The following HMCN1 variants were observed in gnomAD, a reference collection of about 807,000 sequenced individuals.
HMCN1 encodes hemicentin 1.
Under a neutral mutation model 625.9 loss-of-function variants are expected in HMCN1, and 321 were observed. The observed-to-expected ratio is 0.51, with a 90% CI of 0.47 to 0.56. HMCN1 has a LOEUF of 0.56. Ranked by LOEUF, HMCN1 falls within the 20% of genes least tolerant of loss-of-function variation. The pLI, the probability that HMCN1 is intolerant of heterozygous loss-of-function variation, is 0.00. For synonymous variants in HMCN1, 2,425 were observed against 2,417.6 expected (o/e 1.00, Z -0.09); for missense variants, 6,588 against 6,887.3 (o/e 0.96, Z 1.54).
At chr1:185,796,626 C>CTCTG (rs1553241452) in intron 1 of HMCN1, among the ~76,000 whole-genome samples, 4 of 148,688 alleles carry the variant, frequency 2.7e-5, no homozygotes, top group African/African-American at 9.8e-5. Context: ...GAGTTTGTGT[C>CTCTG]TGTGTGTGTG....
In HMCN1 at chr1:186,151,644, A is replaced by T; in HGVS notation, c.14797A>T (p.Ile4933Phe). 1 of 1,613,040 alleles carries T rather than the reference A, an allele frequency of 6.2e-7. No homozygotes were observed. The highest frequency in any genetic ancestry group is 8.5e-7 in the Non-Finnish European group (1 of 1,179,126). The change falls in exon 95 of 107, where the codon ATT (isoleucine) becomes TTT (phenylalanine). Residue 4933 changes from isoleucine (I) to phenylalanine (F), a missense_variant. Around this residue, in one of 3 missense-constraint regions of HMCN1, gnomAD observed 1,954 missense variants for 2,013.1 expected, o/e 0.97. Coordinates refer to ENST00000271588, the MANE Select transcript of HMCN1 (RefSeq NM_031935.3). ...MRKIVSILNPIYWTTAKEIGE... is the reference protein window; with the variant it reads ...MRKIVSILNPFYWTTAKEIGE... ...AAAGATAGTTTCTATTCTAAATCCCATTTATTGGACAACAGCAAAGGAAAT... is the reference window on the plus strand; with the variant it reads ...AAAGATAGTTTCTATTCTAAATCCCTTTTATTGGACAACAGCAAAGGAAAT...
intron 4 of HMCN1, among the ~76,000 whole-genome samples, chr1:185,888,330 A>T (rs1267475206): frequency 7.1e-6 from 1 of 140,704 alleles, no homozygotes; most frequent in Non-Finnish European, 1.5e-5. Context: ...CCATTTGTCA[A>T]TTTTGTCTTT....
At chr1:186,120,356 G>A (rs887652782) in intron 80 of HMCN1, among the ~76,000 whole-genome samples, 1 of 152,080 alleles carries the variant, frequency 6.6e-6, no homozygotes, top group Non-Finnish European at 1.5e-5. Flanking sequence ...GAAAACACAG[G>A]CATCTAATCC....
At chr1:185,916,843 C>A (rs1439292376) in intron 6 of HMCN1, among the ~76,000 whole-genome samples, 1 of 152,056 alleles carries the variant, frequency 6.6e-6, no homozygotes, top group African/African-American at 2.4e-5. Flanking sequence ...ACTCAGGAAC[C>A]CAAGCTGATG....
intron 1 of HMCN1, among the ~76,000 whole-genome samples, chr1:185,819,189 A>G (rs752370049): frequency 9.9e-5 from 15 of 151,310 alleles, no homozygotes; most frequent in Non-Finnish European, 1.6e-4. Context: ...GTGAGCGGAG[A>G]TCGCACCACT....
At chr1:185,965,524 G>T (rs542521803) in intron 13 of HMCN1, among the ~76,000 whole-genome samples, 2 of 151,938 alleles carry the variant, frequency 1.3e-5, no homozygotes, top group Non-Finnish European at 2.9e-5. Context: ...TTTTCATAAA[G>T]AACTTTCGAT....
At chr1:185,983,126 A>C (rs1651766048) in intron 18 of HMCN1, among the ~76,000 whole-genome samples, 1 of 152,136 alleles carries the variant, frequency 6.6e-6, no homozygotes, top group Non-Finnish European at 1.5e-5. Context: ...TCTCATTATG[A>C]ACTATATAAA....
At chr1:185,819,509 T>C (rs1037146290) in intron 1 of HMCN1, among the ~76,000 whole-genome samples, 19 of 152,200 alleles carry the variant, frequency 1.2e-4, no homozygotes, top group Admixed American at 1.1e-3. Flanking sequence ...TCCTTCTCTA[T>C]GTTTTTTTCA....
At chr1:186,039,194 G>T (rs1227702171) in intron 38 of HMCN1, among the ~76,000 whole-genome samples, 189 bp downstream of exon 38, 1 of 152,132 alleles carries the variant, frequency 6.6e-6, no homozygotes, top group Non-Finnish European at 1.5e-5. Context: ...ATTTCCACAT[G>T]CTGTTGACTT....
At position 186,090,932 on chromosome 1, in the gene HMCN1, A is replaced by G. The variant is rs369303501; in HGVS notation, c.9887+15A>G. 1.9e-6 allele frequency: 3 copies of G among 1,609,208 alleles called. No homozygotes were observed. Among genetic ancestry groups the G allele is most frequent in the African/African-American group, 2.7e-5 (2 of 74,754 alleles). ...GAAAGAATCCGGTATGTTTAAAAAT[A>G]ATCTTTCCATTATAAATTGTAAGCC... On this transcript the variant is annotated intron_variant, in intron 64 of 106. Transcript: ENST00000271588.
Position 186,119,257 on chromosome 1 carries a change from C to T in HMCN1, c.11915C>T (p.Ala3972Val), listed in dbSNP as rs752692827. 82 of 1,613,708 alleles carry T rather than the reference C, an allele frequency of 5.1e-5. No individual in the cohort carries two copies. The highest frequency in any genetic ancestry group is 3.3e-4 in the Middle Eastern group (2 of 6,084). Residue 3972 changes from alanine to valine, a missense_variant, in exon 78 of 107, where the codon GCG becomes GTG. Coordinates refer to ENST00000271588, the MANE Select transcript of HMCN1 (RefSeq NM_031935.3). The stretch of plus-strand genomic sequence containing the variant: ...AGATACACTTGTGTCGCTAGGAATG[C>T]GGCTGGCTCTGCACATCGACACGTG... ...AGRYTCVARN[A>V]AGSAHRHVTL...
intron 14 of HMCN1, among the ~76,000 whole-genome samples, chr1:185,967,223 G>T (rs1244273130): frequency 6.6e-6 from 1 of 152,052 alleles, no homozygotes; most frequent in Non-Finnish European, 1.5e-5. Flanking sequence ...CTATATATGT[G>T]TATATAGCAG....
chr1:185,855,021 C>T (rs1662380618), intron 2 of HMCN1, among the ~76,000 whole-genome samples: 1 of 152,098 alleles, frequency 6.6e-6, no homozygotes, highest in African/African-American at 2.4e-5. Context: ...AGAGTCTTGA[C>T]TAGCAGAGAG....
At chr1:186,138,021 A>G (rs2102537276) in intron 89 of HMCN1, 49 bp downstream of exon 89, 2 of 1,592,222 alleles carry the variant, frequency 1.3e-6, no homozygotes, top group East Asian at 4.5e-5. Flanking sequence ...TTCTATCTTA[A>G]CCCCTATGAA....
rs372101261 is a variant in HMCN1 at position 186,076,420 on chromosome 1, C to T, written c.8291-8C>T. ...ATGTGACCAACATTTAATGCCTTTC[C>T]TCCATAGTTCCTCCAAGTTTTCAGA... On this transcript the variant is annotated splice_polypyrimidine_tract_variant and splice_region_variant and intron_variant, in intron 53 of 106. Transcript: ENST00000271588. 48 of 1,612,654 alleles carry T rather than the reference C, an allele frequency of 3.0e-5. No homozygotes were observed. The African/African-American group carries it at 5.7e-4, about 19-fold the overall frequency.
At chr1:186,039,399 T>G (rs568077181) in intron 38 of HMCN1, among the ~76,000 whole-genome samples, 21 of 151,734 alleles carry the variant, frequency 1.4e-4, no homozygotes, top group African/African-American at 5.1e-4. Flanking sequence ...GGTACACACT[T>G]GTGTTCATGT....
chr1:185,819,168 C>A (rs1660031390), intron 1 of HMCN1, among the ~76,000 whole-genome samples: 1 of 150,592 alleles, frequency 6.6e-6, no homozygotes, highest in Non-Finnish European at 1.5e-5. Flanking sequence ...AATAAGAAGG[C>A]AGAGGTTGCA....
intron 68 of HMCN1, among the ~76,000 whole-genome samples, chr1:186,097,956 T>G (rs955610386): frequency 2.0e-5 from 3 of 152,160 alleles, no homozygotes; most frequent in African/African-American, 4.8e-5. Flanking sequence ...GGGGAAAGGA[T>G]AGTCTCTTCA....
chr1:186,179,037 TAAATAG>T (rs1347834341), intron 104 of HMCN1, among the ~76,000 whole-genome samples: 1 of 152,218 alleles, frequency 6.6e-6, no homozygotes, highest in Non-Finnish European at 1.5e-5. Context: ...AACTTAATAC[TAAATAG>T]AAATAAATTT....
Sources: allele counts gnomAD v4.1 joint callset (sites outside exome capture counted in the v4.1 genomes callset), GRCh38; gene constraint gnomAD v4.1.1; regional missense constraint gnomAD v4.1.1; transcripts MANE v1.5; gene names NCBI Gene and HGNC (gene_info 2026-07-23, HGNC 2026-07-21).